Variants in PLCH1 observed in about 807,000 individuals in gnomAD.
PLCH1 encodes the protein 1-phosphatidylinositol 4,5-bisphosphate phosphodiesterase eta-1.
A neutral mutation model predicts 126.7 loss-of-function variants in PLCH1; 60 were observed. The ratio of observed to expected loss-of-function variants is 0.47; its 90% CI spans 0.38 to 0.59. The LOEUF (loss-of-function observed/expected upper bound fraction) is 0.59, where lower values mean the gene tolerates loss of function less well. PLCH1 is among the 20% of genes least tolerant of loss of function. The pLI is 0.00. For missense variants in PLCH1, 1,723 were observed against 2,040.0 expected, an observed-to-expected ratio of 0.84 and a Z score of 2.99; for synonymous variants, 719 against 734.9, an observed-to-expected ratio of 0.98 and a Z score of 0.35.
intron 14 of PLCH1, among the ~76,000 whole-genome samples, chr3:155,499,448 T>A (rs1717564194): frequency 6.6e-6 from 1 of 152,202 alleles, no homozygotes; most frequent in Non-Finnish European, 1.5e-5. Context: ...AAATTATAAG[T>A]AAAACTCTAA....
chr3:155,735,141 A>G (rs1325503708), intron 1 of PLCH1, among the ~76,000 whole-genome samples: 1 of 152,216 alleles, frequency 6.6e-6, no homozygotes, highest in Non-Finnish European at 1.5e-5. Flanking sequence ...ATGATCTCAT[A>G]TGTAAAATCT....
Position 155,626,839 on chromosome 3 carries a change from A to G in PLCH1, c.80-30461T>C, listed in dbSNP as rs143011661. Among the ~76,000 whole-genome samples, 953 of 151,420 alleles carry G rather than the reference A, an allele frequency of 6.3e-3. 15 individuals are homozygous for G. Among genetic ancestry groups the G allele is most frequent in the African/African-American group, 0.022 (901 of 41,400 alleles). ...AGTTTAACTACTTGCAAAAATATCTATATAAACCATTCAAAACAATAGGCT... is the reference window on the plus strand; with the variant it reads ...AGTTTAACTACTTGCAAAAATATCTGTATAAACCATTCAAAACAATAGGCT... On this transcript the variant is annotated intron_variant, in intron 2 of 22. Transcript: ENST00000460012.
At chr3:155,618,941 CT>C (rs1190650178) in intron 2 of PLCH1, among the ~76,000 whole-genome samples, 1 of 152,196 alleles carries the variant, frequency 6.6e-6, no homozygotes, top group African/African-American at 2.4e-5. Context: ...TACCCTGCCC[CT>C]GATATCAATT....
chr3:155,548,295 C>T (rs1725656833), intron 10 of PLCH1, among the ~76,000 whole-genome samples: 1 of 152,154 alleles, frequency 6.6e-6, no homozygotes, highest in South Asian at 2.1e-4. Flanking sequence ...TGCGCTGGTC[C>T]GCAGATCCAG....
chr3:155,505,656 G>T (rs898550798), intron 12 of PLCH1, among the ~76,000 whole-genome samples: 3 of 152,144 alleles, frequency 2.0e-5, no homozygotes, highest in Non-Finnish European at 2.9e-5. Context: ...AAAAATGCTG[G>T]AGGAGTAATG....
chr3:155,609,307 T>C (rs1734758273), intron 2 of PLCH1, among the ~76,000 whole-genome samples: 1 of 152,052 alleles, frequency 6.6e-6, no homozygotes, highest in Non-Finnish European at 1.5e-5. Flanking sequence ...ATCACTGCAG[T>C]TCAACTCTCA....
chr3:155,599,242 G>C (rs1577105226), intron 2 of PLCH1, among the ~76,000 whole-genome samples: 2 of 151,966 alleles, frequency 1.3e-5, no homozygotes, highest in Admixed American at 6.6e-5. Context: ...TATTGAAATA[G>C]TTAAAAATAA....
intron 12 of PLCH1, among the ~76,000 whole-genome samples, chr3:155,511,048 C>T (rs1208891198): frequency 1.8e-5 from 2 of 110,224 alleles, no homozygotes; most frequent in Admixed American, 9.1e-5. Flanking sequence ...GGAGGCTTTG[C>T]TCATTTCTTT....
At chr3:155,494,837 G>A (rs1284382427) in intron 15 of PLCH1, among the ~76,000 whole-genome samples, 1 of 151,968 alleles carries the variant, frequency 6.6e-6, no homozygotes, top group Non-Finnish European at 1.5e-5. Flanking sequence ...AAAAGAACAG[G>A]TAGAAAAAAT....
chr3:155,500,883 C>A, intron 13 of PLCH1, 89 bp from the exon 14 acceptor site: 1 of 823,602 alleles, frequency 1.2e-6, no homozygotes, highest in Non-Finnish European at 2.0e-6. Flanking sequence ...TTAAAATGCA[C>A]ATGTGCACAA....
At chr3:155,460,678 A>T (rs529039999) in intron 21 of PLCH1, among the ~76,000 whole-genome samples, 19 of 152,290 alleles carry the variant, frequency 1.2e-4, no homozygotes, top group African/African-American at 4.6e-4. Context: ...GGATTCATGG[A>T]TGGCAATTCC....
intron 8 of PLCH1, among the ~76,000 whole-genome samples, chr3:155,561,763 G>T (rs1446657130): frequency 6.6e-6 from 1 of 152,040 alleles, no homozygotes; most frequent in East Asian, 1.9e-4. Flanking sequence ...GTGTAAAAGT[G>T]TTCCTATTTC....
chr3:155,710,587 C>A (rs1165861958), intron 1 of PLCH1, among the ~76,000 whole-genome samples: 2 of 152,068 alleles, frequency 1.3e-5, no homozygotes, highest in Non-Finnish European at 2.9e-5. Context: ...AATCCCAGCA[C>A]TTTGGGAGGC....
intron 2 of PLCH1, among the ~76,000 whole-genome samples, chr3:155,691,815 T>C (rs1036327376): frequency 1.4e-4 from 22 of 152,180 alleles, no homozygotes; most frequent in Non-Finnish European, 7.4e-5. Context: ...GTTCTCATCA[T>C]AGATTAATCA....
rs1738443552 is a variant in PLCH1, at chr3:155,634,208, T to C, written c.80-37830A>G. Among the ~76,000 whole-genome samples, 3 of 152,202 alleles carry C rather than the reference T, an allele frequency of 2.0e-5. No homozygotes were observed. In the South Asian group the frequency reaches 6.2e-4, roughly 32 times the overall value. ...AAAACAACTCAGAAAATAAGATGTT[T>C]GTGACCAAAAGAGGGCTGTAAGAGC... On this transcript the variant is annotated intron_variant, in intron 2 of 22. Coordinates refer to ENST00000460012, the MANE Select transcript of PLCH1 (RefSeq NM_014996.4).
chr3:155,545,737 T>C (rs1211320297), intron 10 of PLCH1, among the ~76,000 whole-genome samples: 2 of 150,358 alleles, frequency 1.3e-5, no homozygotes, highest in African/African-American at 4.9e-5. Flanking sequence ...GTTCAATATA[T>C]GCAAATCAAT....
chr3:155,669,640 A>G (rs1577288085), intron 2 of PLCH1, among the ~76,000 whole-genome samples: 1 of 152,214 alleles, frequency 6.6e-6, no homozygotes, highest in African/African-American at 2.4e-5. Context: ...GTGAGAACAT[A>G]AGAAAATAAG....
intron 4 of PLCH1, among the ~76,000 whole-genome samples, chr3:155,593,042 C>T (rs963832237): frequency 6.6e-6 from 1 of 152,188 alleles, no homozygotes; most frequent in South Asian, 2.1e-4. Flanking sequence ...AGGATTATAG[C>T]CAGAGCAGCA....
chr3:155,718,651 G>C (rs529368654), intron 1 of PLCH1, among the ~76,000 whole-genome samples: 4 of 152,000 alleles, frequency 2.6e-5, no homozygotes, highest in African/African-American at 7.3e-5. Flanking sequence ...GGGTGAGTGC[G>C]GGGGGGAGGT....
Sources: allele counts gnomAD v4.1 joint callset (sites outside exome capture counted in the v4.1 genomes callset), GRCh38; gene constraint gnomAD v4.1.1; transcripts MANE v1.5; gene names NCBI Gene and HGNC (gene_info 2026-07-23, HGNC 2026-07-21).